The following MARF1 variants were observed in gnomAD, a reference collection of about 807,000 sequenced individuals.
MARF1 encodes meiosis regulator and mRNA stability factor 1.
In MARF1, 24 loss-of-function variants were observed where a neutral mutation model predicts 168.2. That is an observed-to-expected ratio of 0.14 (90% CI 0.10 to 0.20). The LOEUF (loss-of-function observed/expected upper bound fraction) is 0.20. Among genes scored for constraint, MARF1 ranks in the 10% least tolerant of loss-of-function variants. The pLI is 1.00. For missense variants in MARF1, 1,744 were observed against 2,143.6 expected (o/e 0.81, Z 3.68); for synonymous variants, 868 against 822.4 (o/e 1.06, Z -0.95).
At chr16:15,601,909 C>T in intron 23 of MARF1, 82 bp downstream of exon 23, 1 of 1,119,816 alleles carries the variant, frequency 8.9e-7, no homozygotes, top group South Asian at 1.2e-5. Context: ...ATTATTCTGG[C>T]AGCATTTTAT....
Position 15,598,865 on chromosome 16 carries a change from T to A in MARF1, c.4973A>T (p.Gln1658Leu). ...ADLIQFEERP[Q>L]EPSEIMILNQ... ...ATGGAGTCACCCACCAGAAGGCTCTTGAGGGCGCTCCTCAAACTGAATGAG... is the reference window on the plus strand; with the variant it reads ...ATGGAGTCACCCACCAGAAGGCTCTAGAGGGCGCTCCTCAAACTGAATGAG... The change falls in exon 26 of 27, where the codon CAA (glutamine) becomes CTA (leucine). Residue 1658 changes from glutamine (Q) to leucine (L), a missense_variant. This residue lies in a region of MARF1 where 313 missense variants were observed against 337.4 expected (regional missense o/e 0.93). Coordinates refer to ENST00000396368, the MANE Select transcript of MARF1 (RefSeq NM_014647.4). 6.2e-7 allele frequency: 1 copy of A among 1,614,042 alleles called. No individual in the cohort carries two copies. The highest frequency in any genetic ancestry group is 8.5e-7 in the Non-Finnish European group (1 of 1,180,006).
intron 13 of MARF1, among the ~76,000 whole-genome samples, chr16:15,619,951 G>T (rs889082650): frequency 6.6e-6 from 1 of 152,166 alleles, no homozygotes; most frequent in African/African-American, 2.4e-5. Flanking sequence ...ATCACTTGAG[G>T]TCAGGAGTTT....
rs1366160898 is a variant in MARF1 at position 15,625,302 on chromosome 16, C to T, written c.1953+70G>A. On this transcript the variant is annotated intron_variant, in intron 8 of 26. Transcript: ENST00000396368. ...CAAAAAGGGACACGCCAAAAGCAAG[C>T]GGGCACGTAAAACACAGAAACAAAC... The T allele has an allele frequency of 1.1e-5, 17 of 1,543,918 alleles. No individual in the cohort carries two copies. The African/African-American group carries it at 1.1e-4, about 10-fold the overall frequency.
chr16:15,623,805 A>G (rs1262385619), intron 10 of MARF1, among the ~76,000 whole-genome samples: 2 of 152,168 alleles, frequency 1.3e-5, no homozygotes, highest in Non-Finnish European at 2.9e-5. Context: ...TGTGTCTCTG[A>G]AAGAGTTAAA....
At chr16:15,629,247 G>T (rs1419326077) in intron 7 of MARF1, among the ~76,000 whole-genome samples, 2 of 152,136 alleles carry the variant, frequency 1.3e-5, no homozygotes, top group Non-Finnish European at 2.9e-5. Flanking sequence ...TGACAAAGGT[G>T]AGTTAGGAAA....
chr16:15,608,599 A>G (rs2033236210), intron 20 of MARF1, 81 bp from the exon 21 acceptor site: 3 of 1,000,110 alleles, frequency 3.0e-6, no homozygotes, highest in South Asian at 1.4e-5. Flanking sequence ...GTATGCAGCT[A>G]GTAATGAAAA....
intron 7 of MARF1, among the ~76,000 whole-genome samples, chr16:15,627,822 G>A (rs180844615): frequency 1.1e-4 from 17 of 152,272 alleles, no homozygotes; most frequent in Non-Finnish European, 2.1e-4. Context: ...AAGATTAAAA[G>A]TCAATTATAA....
chr16:15,626,285 T>C (rs114952229), intron 7 of MARF1, among the ~76,000 whole-genome samples: 1,634 of 152,252 alleles, frequency 0.011, 36 homozygotes, highest in African/African-American at 0.038. Flanking sequence ...CATAATAGAT[T>C]TACTGAGGTG....
chr16:15,642,491 T>C (rs1444864633), intron 1 of MARF1: 2 of 152,164 alleles, frequency 1.3e-5, no homozygotes, highest in East Asian at 1.9e-4. Context: ...ACAAATGCAA[T>C]TGGACAGCTC....
In MARF1 at chr16:15,625,466, C is replaced by T; in HGVS notation, c.1859G>A (p.Ser620Asn). 1.2e-6 allele frequency: 2 copies of T among 1,614,168 alleles called. No homozygotes were observed. The highest frequency in any genetic ancestry group is 1.7e-6 in the Non-Finnish European group (2 of 1,180,022). ...NPKLCLIKDA[S>N]EQSSSAKATP... ...GGCTTTGGCACTGGAAGATTGTTCA[C>T]TTGCATCTTTGATGAGGCACAATTT... The change falls in exon 8 of 27, where the codon AGT becomes AAT. Residue 620 changes from serine (S) to asparagine (N), a missense_variant. Physicochemically the swap from Ser to Asn is conservative, Grantham distance 46 (BLOSUM62 1). This residue lies in a region of MARF1 where 270 missense variants were observed against 260.6 expected (regional missense o/e 1.04). Transcript: ENST00000396368.
chr16:15,631,576 AT>A, intron 5 of MARF1, 78 bp from the exon 6 acceptor site: 1 of 948,580 alleles, frequency 1.1e-6, no homozygotes, highest in Non-Finnish European at 1.6e-6. Context: ...CATATTTTTT[AT>A]TTTTTAAATT....
chr16:15,621,513 C>A, intron 12 of MARF1: 1 of 533,478 alleles, frequency 1.9e-6, no homozygotes, highest in Non-Finnish European at 3.3e-6. Context: ...TATTTTACTC[C>A]CAAGTGCCTG....
Position 15,604,272 on chromosome 16 carries a change from G to C in MARF1, c.4309C>G (p.Leu1437Val). The C allele has an allele frequency of 6.2e-7, 1 of 1,614,028 alleles. No homozygotes were observed. Among genetic ancestry groups the C allele is most frequent in the Non-Finnish European group, 8.5e-7 (1 of 1,179,914 alleles). The change falls in exon 22 of 27, where the codon CTC becomes GTC. Residue 1437 changes from leucine to valine, a missense_variant. Physicochemically the swap from Leu to Val is conservative, Grantham distance 32. This residue lies in a region of MARF1 where 74 missense variants were observed against 66.7 expected (regional missense o/e 1.11). Transcript: ENST00000396368. ...EGTTHLSVEE[L>V]KRHYESTHNT... Reference sequence around the variant, plus strand: ...TGGGTACTTTCGTAATGTCTCTTGAGCTCCTCAACAGAAAGATGGGTGGTT... The same window carrying C: ...TGGGTACTTTCGTAATGTCTCTTGACCTCCTCAACAGAAAGATGGGTGGTT...
chr16:15,633,846 T>TA lies in MARF1; in HGVS notation c.1007-4dup. 6.3e-7 allele frequency: 1 copy of TA among 1,592,926 alleles called. No homozygotes were observed. Among genetic ancestry groups the TA allele is most frequent in the East Asian group, 2.2e-5 (1 of 44,578 alleles). ...AGCTACTGCAACTTCTGGTGACCCT[T>TA]AAGAAATGTTAACATTTTCAATTAC... On this transcript the variant is annotated splice_polypyrimidine_tract_variant and splice_region_variant and intron_variant, in intron 4 of 26. Transcript: ENST00000396368.
rs1160667011 is a variant in MARF1, at chr16:15,634,885, A to G, written c.878T>C (p.Ile293Thr). 1.2e-6 allele frequency: 2 copies of G among 1,614,062 alleles called. No homozygotes were observed. The highest frequency in any genetic ancestry group is 1.1e-5 in the South Asian group (1 of 91,066). ...TGCAGGTTGAGTATTTGGAGGTGGTATATTTGGCCAGACTTTAGCCGCATC... is the reference window on the plus strand; with the variant it reads ...TGCAGGTTGAGTATTTGGAGGTGGTGTATTTGGCCAGACTTTAGCCGCATC... ...IIDAAKVWPN[I>T]PPPNTQPAPL... is the part of the protein sequence containing the mutation. Residue 293 changes from isoleucine to threonine, a missense_variant, in exon 4 of 27, where the codon ATA becomes ACA. This residue lies in a region of MARF1 where 217 missense variants were observed against 372.4 expected (regional missense o/e 0.58). Transcript: ENST00000396368.
chr16:15,600,394 A>G, intron 25 of MARF1, 34 bp downstream of exon 25: 1 of 1,613,002 alleles, frequency 6.2e-7, no homozygotes, highest in Non-Finnish European at 8.5e-7. Flanking sequence ...CTAGAATTTC[A>G]CAAGCTCCTA....
Position 15,635,921 on chromosome 16 carries a change from T to C in MARF1, c.566A>G (p.Lys189Arg), listed in dbSNP as rs1290669779. ...MCLESNLSSCKHLPCCGKLHF... is the reference protein window; with the variant it reads ...MCLESNLSSCRHLPCCGKLHF... ...GAGTTTTCCACAACAGGGCAGGTGT[T>C]TGCAGGAAGACAGGTTACTCTCTAG... Residue 189 changes from lysine (K) to arginine (R), a missense_variant, in exon 3 of 27, where the codon AAA (lysine) becomes AGA (arginine). By Grantham distance (26) the Lys-to-Arg change is conservative (BLOSUM62 2). This residue lies in a region of MARF1 where 318 missense variants were observed against 336.6 expected (regional missense o/e 0.94). Transcript: ENST00000396368. The C allele has an allele frequency of 5.0e-6, 8 of 1,614,054 alleles. No homozygotes were observed. The highest frequency in any genetic ancestry group is 6.8e-6 in the Non-Finnish European group (8 of 1,180,044).
rs1455022995 is a variant in MARF1 at position 15,616,133 on chromosome 16, G to C, written c.3078-128C>G. On this transcript the variant is annotated intron_variant, in intron 15 of 26. Transcript: ENST00000396368. Reference sequence around the variant, plus strand: ...CATTTGTCTGAATGCCCACCACCAGGTTTGAAGGTTAAAATTAAGGACCCA... The same window carrying C: ...CATTTGTCTGAATGCCCACCACCAGCTTTGAAGGTTAAAATTAAGGACCCA... The C allele has an allele frequency of 6.9e-6, 5 of 726,580 alleles. No individual in the cohort carries two copies. The Admixed American group carries it at 1.9e-4, about 28-fold the overall frequency. 45.0% of individuals were successfully genotyped at this position (726,580 alleles called of 1,614,324 possible).
intron 7 of MARF1, among the ~76,000 whole-genome samples, chr16:15,629,235 A>C (rs1055481374): frequency 1.3e-5 from 2 of 152,178 alleles, no homozygotes; most frequent in Admixed American, 6.5e-5. Context: ...AAAAACAAAT[A>C]ATGACAAAGG....
Sources: gnomAD v4.1 joint callset for allele counts (sites outside exome capture counted in the v4.1 genomes callset) on GRCh38, gnomAD v4.1.1 for gene constraint, gnomAD v4.1.1 regional missense constraint, MANE v1.5 for transcripts, NCBI Gene and HGNC (gene_info 2026-07-23, HGNC 2026-07-21) for gene names.